The following ZPLD1 variants were observed in gnomAD, a reference collection of about 807,000 sequenced individuals.
ZPLD1 encodes zona pellucida like domain containing 1.
A neutral mutation model predicts 47.2 loss-of-function variants in ZPLD1; 34 were observed. That is an observed-to-expected ratio of 0.72 (90% CI 0.55 to 0.96). The LOEUF (loss-of-function observed/expected upper bound fraction) is 0.96. ZPLD1 is among the 40% of genes least tolerant of loss of function. The pLI is 0.00. For synonymous variants in ZPLD1, 176 were observed against 186.2 expected, an observed-to-expected ratio of 0.95 and a Z score of 0.45; for missense variants, 512 against 505.8, an observed-to-expected ratio of 1.01 and a Z score of -0.12.
chr3:102,395,222 C>T (rs1466629326), intron 7 of ZPLD1, among the ~76,000 whole-genome samples: 1 of 152,052 alleles, frequency 6.6e-6, no homozygotes, highest in Non-Finnish European at 1.5e-5. Flanking sequence ...ATCCCCATAA[C>T]CTATGACTAT....
chr3:102,430,348 C>A (rs185860233), upstream of ZPLD1, among the ~76,000 whole-genome samples: 1 of 152,322 alleles, frequency 6.6e-6, no homozygotes, highest in East Asian at 1.9e-4. Flanking sequence ...AAATTAGGAT[C>A]TACTGTGCTT....
rs1267988976 is a variant in ZPLD1 at position 102,424,801 on chromosome 3, A to G, written c.-9+6594A>G. 2.6e-5 allele frequency among the ~76,000 whole-genome samples: 4 copies of G among 152,108 alleles called. No individual in the cohort carries two copies. The East Asian group carries it at 7.7e-4, about 29-fold the overall frequency. On this transcript the variant is annotated intron_variant, in intron 8 of 17. Transcript: ENST00000491959. ...GTTCCCTTCCATTCCAATACTTTCT[A>G]TTTGCTCCTATACTATGCAATCCTA...
intron 10 of ZPLD1, among the ~76,000 whole-genome samples, chr3:102,474,332 C>T (rs1227105525): frequency 1.3e-5 from 2 of 152,072 alleles, no homozygotes; most frequent in African/African-American, 2.4e-5. Flanking sequence ...AAACCCAAGC[C>T]GTATTCTTGT....
intron 3 of ZPLD1, among the ~76,000 whole-genome samples, chr3:102,451,363 G>A (rs1707334340): frequency 6.6e-6 from 1 of 152,090 alleles, no homozygotes. Flanking sequence ...TATTTTGTTT[G>A]GTTTTCCTCT....
intron 7 of ZPLD1, among the ~76,000 whole-genome samples, chr3:102,417,690 C>T (rs780560201): frequency 2.2e-4 from 34 of 151,988 alleles, no homozygotes; most frequent in Admixed American, 2.1e-3. Flanking sequence ...TGAAAGGGCC[C>T]GGCATCTTTC....
intron 6 of ZPLD1, among the ~76,000 whole-genome samples, chr3:102,459,746 C>A (rs546935382): frequency 6.6e-6 from 1 of 152,148 alleles, no homozygotes; most frequent in South Asian, 2.1e-4. Context: ...ACAGAGTTCC[C>A]ACATATACCC....
At chr3:102,396,093 G>A (rs1401077011) in intron 7 of ZPLD1, among the ~76,000 whole-genome samples, 1 of 152,144 alleles carries the variant, frequency 6.6e-6, no homozygotes. Flanking sequence ...GTTGTTGGAA[G>A]TTTAATAGTT....
At chr3:102,458,523 A>G (rs1407860226) in intron 6 of ZPLD1, among the ~76,000 whole-genome samples, 1 of 152,210 alleles carries the variant, frequency 6.6e-6, no homozygotes, top group Non-Finnish European at 1.5e-5. Flanking sequence ...TCAATCTATC[A>G]ACCAACATTT....
upstream of ZPLD1, among the ~76,000 whole-genome samples, chr3:102,432,814 G>C (rs1231455793): frequency 1.3e-5 from 2 of 152,140 alleles, no homozygotes; most frequent in Non-Finnish European, 2.9e-5. Context: ...AAAAGCAAGT[G>C]AGGTATACAT....
In ZPLD1 at chr3:102,453,283, T is replaced by C. The variant is rs917513495; in HGVS notation, c.327+144T>C. Reference sequence around the variant, plus strand: ...CACTTTCCTTTGCCTGTTTGAGGCATGCACTAGCAAATATACAATTCTATC... The same window carrying C: ...CACTTTCCTTTGCCTGTTTGAGGCACGCACTAGCAAATATACAATTCTATC... On this transcript the variant is annotated intron_variant, in intron 4 of 11. Coordinates refer to ENST00000466937, the MANE Select transcript of ZPLD1 (RefSeq NM_001329788.2). 7 of 732,092 alleles carry C rather than the reference T, an allele frequency of 9.6e-6. No individual in the cohort carries two copies. In the Admixed American group the frequency reaches 1.6e-4, roughly 17 times the overall value. The allele number at this position is 732,092 out of a possible 1,614,324, so 45.3% of individuals were successfully genotyped here.
chr3:102,461,461 A>C (rs1316170002), intron 6 of ZPLD1, among the ~76,000 whole-genome samples: 1 of 152,006 alleles, frequency 6.6e-6, no homozygotes, highest in African/African-American at 2.4e-5. Context: ...ACTGGTCCAA[A>C]ATAAGGGTAG....
At chr3:102,428,273 T>C (rs554031887) in intron 8 of ZPLD1, among the ~76,000 whole-genome samples, 1 of 152,328 alleles carries the variant, frequency 6.6e-6, no homozygotes, top group African/African-American at 2.4e-5. Flanking sequence ...TCTATGATTT[T>C]ACGGTTTAAA....
intron 3 of ZPLD1, among the ~76,000 whole-genome samples, chr3:102,447,203 T>A (rs528905270): frequency 6.6e-6 from 1 of 152,232 alleles, no homozygotes; most frequent in African/African-American, 2.4e-5. Context: ...GTAGCTGGGA[T>A]TACAGACATG....
intron 7 of ZPLD1, among the ~76,000 whole-genome samples, chr3:102,406,515 G>T (rs898182860): frequency 2.6e-5 from 4 of 151,814 alleles, no homozygotes; most frequent in Admixed American, 2.0e-4. Context: ...CTTATCCTCA[G>T]TACCAAGACA....
chr3:102,463,943 G>T (rs985233632), intron 7 of ZPLD1, among the ~76,000 whole-genome samples: 2 of 151,552 alleles, frequency 1.3e-5, no homozygotes, highest in Non-Finnish European at 2.9e-5. Context: ...CCAGCTACTC[G>T]GGAGGCTGAG....
chr3:102,467,633 A>T (rs780777878), intron 8 of ZPLD1, among the ~76,000 whole-genome samples: 1 of 152,094 alleles, frequency 6.6e-6, no homozygotes, highest in Non-Finnish European at 1.5e-5. Context: ...AAAAAATAGT[A>T]TTGGACCTAT....
chr3:102,386,481 GT>G (rs995981585), intron 6 of ZPLD1, among the ~76,000 whole-genome samples: 7 of 151,982 alleles, frequency 4.6e-5, no homozygotes, highest in African/African-American at 1.4e-4. Flanking sequence ...TAGTTTGTAA[GT>G]TTTTATGGGA....
intron 7 of ZPLD1, among the ~76,000 whole-genome samples, chr3:102,400,019 A>C (rs1706601981): frequency 6.6e-6 from 1 of 152,074 alleles, no homozygotes; most frequent in Non-Finnish European, 1.5e-5. Flanking sequence ...GGGTTTTGCC[A>C]TGTTGGACAG....
At chr3:102,427,292 G>C (rs1255215624) in intron 8 of ZPLD1, among the ~76,000 whole-genome samples, 2 of 152,046 alleles carry the variant, frequency 1.3e-5, no homozygotes, top group Non-Finnish European at 2.9e-5. Flanking sequence ...TTTTTGTCTG[G>C]AAGGAAGGAC....
Sources: gnomAD v4.1 joint callset for allele counts (sites outside exome capture counted in the v4.1 genomes callset) on GRCh38, gnomAD v4.1.1 for gene constraint, MANE v1.5 for transcripts, NCBI Gene and HGNC (gene_info 2026-07-23, HGNC 2026-07-21) for gene names.